DMD: variants seen among roughly 807,000 people sequenced by gnomAD.
DMD encodes mutant dystrophin.
DMD carries 63 observed loss-of-function variants against 330.1 expected under a neutral mutation model. That is an observed-to-expected ratio of 0.19 (90% CI 0.16 to 0.24). The LOEUF is 0.24. Ranked by LOEUF, DMD falls within the 10% of genes least tolerant of loss-of-function variation. The pLI, the probability that DMD is intolerant of heterozygous loss-of-function variation, is 1.00. For synonymous variants in DMD, 1,223 were observed against 959.8 expected (o/e 1.27, Z -5.07); for missense variants, 3,344 against 2,684.1 (o/e 1.25, Z -5.43).
chrX:31,985,801 A>G (rs1361335952), intron 44 of DMD, among the ~76,000 whole-genome samples: 7 of 112,123 alleles, frequency 6.2e-5, no homozygotes, highest in Non-Finnish European at 1.3e-4. Flanking sequence ...ACAGAGAATA[A>G]TGGAGAATAA....
chrX:32,688,352 C>A (rs1400894711), intron 9 of DMD, among the ~76,000 whole-genome samples: 1 of 112,255 alleles, frequency 8.9e-6, no homozygotes, highest in African/African-American at 3.2e-5. Context: ...TATATATCAT[C>A]TCTTCCAGAA....
At chrX:32,779,135 T>C (rs1480109864) in intron 7 of DMD, among the ~76,000 whole-genome samples, 1 of 111,470 alleles carries the variant, frequency 9.0e-6, no homozygotes, top group Non-Finnish European at 1.9e-5. Flanking sequence ...AAGCTAATTG[T>C]TCATGTATGA....
chrX:31,911,305 TA>T (rs2094543500), intron 47 of DMD, among the ~76,000 whole-genome samples: 1 of 112,056 alleles, frequency 8.9e-6, no homozygotes. Flanking sequence ...GGAAAATTAC[TA>T]AAAAAATTAT....
intron 44 of DMD, among the ~76,000 whole-genome samples, chrX:32,028,379 G>T (rs959954913): frequency 9.0e-6 from 1 of 111,338 alleles, no homozygotes; most frequent in Non-Finnish European, 1.9e-5. Flanking sequence ...GGAAAATGTA[G>T]TTGGAATCAC....
At chrX:32,498,136 G>A (rs956188899) in intron 19 of DMD, among the ~76,000 whole-genome samples, 5 of 110,755 alleles carry the variant, frequency 4.5e-5, no homozygotes, top group African/African-American at 1.6e-4. Flanking sequence ...CCTCTCACTT[G>A]CCCTCATTAA....
chrX:32,071,639 C>T (rs920168224), intron 44 of DMD, among the ~76,000 whole-genome samples: 3 of 106,237 alleles, frequency 2.8e-5, no homozygotes, highest in Admixed American at 1.0e-4. Context: ...GCACATGTAC[C>T]CTAAAACTTA....
intron 52 of DMD, among the ~76,000 whole-genome samples, chrX:31,689,595 T>C (rs1014085125): frequency 5.4e-5 from 6 of 111,537 alleles, no homozygotes; most frequent in Non-Finnish European, 9.4e-5. Flanking sequence ...CCAATGACTT[T>C]CTTCACAGAA....
intron 52 of DMD, among the ~76,000 whole-genome samples, chrX:31,696,943 T>C (rs1397418560): frequency 8.9e-6 from 1 of 112,444 alleles, no homozygotes; most frequent in Non-Finnish European, 1.9e-5. Flanking sequence ...TTGATTGTTA[T>C]AGTAGTCCCA....
At chrX:32,205,926 C>T (rs2097066666) in intron 44 of DMD, 4 of 374,044 alleles carry the variant, frequency 1.1e-5, no homozygotes, top group Non-Finnish European at 1.5e-5. Context: ...TCCTCTGAGG[C>T]CCCAAAACTA....
At position 31,861,752 on chromosome X, in the gene DMD, C is replaced by A. The variant is rs191628631; in HGVS notation, c.7098+13436G>T. ...AGAGTGCTATACACACACACACACA[C>A]ACACACACACACACACACAGGCATT... On this transcript the variant is annotated intron_variant, in intron 48 of 78. Coordinates refer to ENST00000357033, the MANE Select transcript of DMD (RefSeq NM_004006.3). Among the ~76,000 whole-genome samples, 8 of 103,197 alleles carry A rather than the reference C, an allele frequency of 7.8e-5. No homozygotes were observed. The East Asian group carries it at 2.5e-3, about 33-fold the overall frequency. 89.6% of individuals were successfully genotyped at this position (103,197 alleles called of 115,157 possible).
At chrX:31,305,496 A>G (rs773887727) in intron 62 of DMD, among the ~76,000 whole-genome samples, 17 of 111,513 alleles carry the variant, frequency 1.5e-4, no homozygotes, top group Admixed American at 1.2e-3. Flanking sequence ...TTTCTAAACC[A>G]TATTCCCTGA....
intron 44 of DMD, among the ~76,000 whole-genome samples, chrX:32,011,750 G>C: frequency 9.0e-6 from 1 of 111,318 alleles, no homozygotes; most frequent in East Asian, 2.8e-4. Context: ...CCATAAGTGA[G>C]AACAGCTTCC....
rs190055890 is a variant in DMD, at chrX:33,324,001, A to G, written c.7+15258T>C. 4.1e-3 allele frequency among the ~76,000 whole-genome samples: 456 copies of G among 111,531 alleles called. 1 individual carries two copies. Among genetic ancestry groups the G allele is most frequent in the African/African-American group, 0.014 (439 of 30,756 alleles). On this transcript the variant is annotated intron_variant, in intron 1 of 17. Transcript: ENST00000288447. ...CTTCTGACAGTTTCTCTAACTCCCAAACCAATGCATATTTTGATAATTGCC... is the reference window on the plus strand; with the variant it reads ...CTTCTGACAGTTTCTCTAACTCCCAGACCAATGCATATTTTGATAATTGCC...
chrX:32,978,428 C>T (rs192248167), intron 2 of DMD, among the ~76,000 whole-genome samples: 3 of 112,156 alleles, frequency 2.7e-5, no homozygotes, highest in African/African-American at 9.7e-5. Flanking sequence ...ATGCTCCCTC[C>T]CTAAAATAGC....
At chrX:32,674,264 T>C (rs1002497725) in intron 9 of DMD, among the ~76,000 whole-genome samples, 9 of 111,766 alleles carry the variant, frequency 8.1e-5, no homozygotes, top group Non-Finnish European at 1.3e-4. Context: ...CACTTAGTCA[T>C]AGTCCACTGG....
intron 1 of DMD, among the ~76,000 whole-genome samples, chrX:33,246,274 G>C (rs1467547164): frequency 8.9e-6 from 1 of 111,778 alleles, no homozygotes; most frequent in Non-Finnish European, 1.9e-5. Flanking sequence ...ACACACCTGG[G>C]CCTCCCTGGG....
chrX:32,247,868 C>G (rs147617595), intron 43 of DMD, among the ~76,000 whole-genome samples: 3,200 of 111,609 alleles, frequency 0.029, 120 homozygotes, highest in African/African-American at 0.098. Flanking sequence ...TAGGGTCACA[C>G]TAATCTTTGT....
At chrX:32,430,369 A>G (rs1309253222) in intron 29 of DMD, among the ~76,000 whole-genome samples, 1 of 111,391 alleles carries the variant, frequency 9.0e-6, no homozygotes, top group Non-Finnish European at 1.9e-5. Context: ...TTCCTTTAAT[A>G]TCCTTCATAT....
At chrX:32,734,977 C>G (rs1254021340) in intron 7 of DMD, among the ~76,000 whole-genome samples, 1 of 110,662 alleles carries the variant, frequency 9.0e-6, no homozygotes, top group Admixed American at 9.6e-5. Flanking sequence ...GTCAAATTGA[C>G]CCTGTTTGCA....
Sources: allele counts gnomAD v4.1 joint callset (sites outside exome capture counted in the v4.1 genomes callset), GRCh38; gene constraint gnomAD v4.1.1; transcripts MANE v1.5; gene names NCBI Gene and HGNC (gene_info 2026-07-23, HGNC 2026-07-21).